GREB1: variants seen among roughly 807,000 people sequenced by gnomAD.
GREB1 encodes the protein protein GREB1.
Under a neutral mutation model 200.7 loss-of-function variants are expected in GREB1, and 106 were observed. The ratio of observed to expected loss-of-function variants is 0.53; its 90% confidence interval spans 0.45 to 0.62. The LOEUF (loss-of-function observed/expected upper bound fraction) is 0.62, where lower values mean the gene tolerates loss of function less well. Among genes scored for constraint, GREB1 ranks in the 20% least tolerant of loss-of-function variants. The pLI is 0.00. For missense variants in GREB1, 2,243 were observed against 2,556.8 expected, an observed-to-expected ratio of 0.88 and a Z score of 2.65; for synonymous variants, 1,132 against 1,092.4, an observed-to-expected ratio of 1.04 and a Z score of -0.72.
In GREB1 at chr2:11,597,205, G is replaced by C. The variant is rs1237131775; in HGVS notation, c.1955-576G>C. 6.6e-6 allele frequency among the ~76,000 whole-genome samples: 1 copy of C among 152,060 alleles called. No homozygotes were observed. Among genetic ancestry groups the C allele is most frequent in the Non-Finnish European group, 1.5e-5 (1 of 68,000 alleles). Reference sequence around the variant, plus strand: ...CAGATTGGAGGTAGCAATGTCAGAGGCACATCCACAAGACAGGACATCTTT... The same window carrying C: ...CAGATTGGAGGTAGCAATGTCAGAGCCACATCCACAAGACAGGACATCTTT... On this transcript the variant is annotated intron_variant, in intron 13 of 32. Coordinates refer to ENST00000381486, the MANE Select transcript of GREB1 (RefSeq NM_014668.4). This position sits in a 1 kb window ranked among gnomAD's most constrained non-coding sequence, Gnocchi z 4.1.
chr2:11,544,358 A>G (rs11692588), intron 1 of GREB1, among the ~76,000 whole-genome samples: 67,200 of 151,770 alleles, frequency 0.44, 18,446 homozygotes, highest in South Asian at 0.64. Flanking sequence ...CTGGGACTAC[A>G]GGCTCCCACC....
At chr2:11,551,466 C>T (rs937454358) in intron 1 of GREB1, among the ~76,000 whole-genome samples, 3 of 152,214 alleles carry the variant, frequency 2.0e-5, no homozygotes, top group Non-Finnish European at 2.9e-5. Context: ...TTACTATCAT[C>T]GGTCTCTAGC....
chr2:11,574,364 A>G (rs559066897), intron 4 of GREB1, among the ~76,000 whole-genome samples: 159 of 152,336 alleles, frequency 1.0e-3, no homozygotes, highest in African/African-American at 3.5e-3. Flanking sequence ...AGAGTCTGGA[A>G]GAAAGTGCCA....
chr2:11,608,791 T>A (rs1296474702), intron 17 of GREB1, among the ~76,000 whole-genome samples: 6 of 152,250 alleles, frequency 3.9e-5, no homozygotes, highest in Non-Finnish European at 8.8e-5. Flanking sequence ...ATTCTTGTTT[T>A]GGCTTTGGGT....
chr2:11,626,002 C>A (rs541258560), intron 24 of GREB1, among the ~76,000 whole-genome samples: 1 of 152,046 alleles, frequency 6.6e-6, no homozygotes, highest in Non-Finnish European at 1.5e-5. Context: ...CATTGCATCT[C>A]GTGAAAATTA....
Position 11,618,162 on chromosome 2 carries a change from ATGGGTGACTCCTGGGACAG to A in GREB1, c.3413-125_3413-107del, listed in dbSNP as rs1305261628. ...ACTCCTGGGACAGGTCACTCCTGGG[ATGGGTGACTCCTGGGACAG>A]GTCACTCCTGGGATGGGTGACTCCT... On this transcript the variant is annotated intron_variant, in intron 21 of 32. Coordinates refer to ENST00000381486, the MANE Select transcript of GREB1 (RefSeq NM_014668.4). 45 of 776,298 alleles carry A rather than the reference ATGGGTGACTCCTGGGACAG, an allele frequency of 5.8e-5. 1 individual carries two copies. The East Asian group carries it at 2.1e-3, about 36-fold the overall frequency. 48.1% of individuals were successfully genotyped at this position (776,298 alleles called of 1,614,324 possible). A position where few individuals can be genotyped will look rare whatever the true frequency, so the allele number is the denominator to read the frequency against.
intron 19 of GREB1, among the ~76,000 whole-genome samples, chr2:11,614,828 G>C (rs1683263342): frequency 7.6e-6 from 1 of 132,306 alleles, no homozygotes; most frequent in East Asian, 2.1e-4. Flanking sequence ...CTCCCAAAGT[G>C]CTGCAAGCCC....
chr2:11,562,426 C>G, intron 2 of GREB1, 37 bp from the exon 3 acceptor site: 1 of 1,608,722 alleles, frequency 6.2e-7, no homozygotes, highest in Non-Finnish European at 8.5e-7. Context: ...GGCCAGACAG[C>G]AGCTGCCTTG....
intron 29 of GREB1, 137 bp from the exon 30 acceptor site, chr2:11,635,133 G>A (rs937998083): frequency 6.4e-6 from 6 of 939,010 alleles, no homozygotes; most frequent in Non-Finnish European, 8.0e-6. Context: ...GAGTAAGGAA[G>A]GTCTTGAGGC....
intron 26 of GREB1, 67 bp from the exon 27 acceptor site, chr2:11,631,842 A>G (rs1407344023): frequency 1.7e-6 from 2 of 1,183,308 alleles, no homozygotes; most frequent in Non-Finnish European, 2.5e-6. Flanking sequence ...CTGCAAAGTC[A>G]CATGTCAAGG....
intron 4 of GREB1, among the ~76,000 whole-genome samples, chr2:11,575,903 C>T (rs1023599272): frequency 3.3e-5 from 5 of 152,230 alleles, no homozygotes; most frequent in Admixed American, 3.3e-4. Flanking sequence ...TAAGTGGGCC[C>T]TCAAGCACGT....
chr2:11,566,740 C>G (rs1572729992), intron 4 of GREB1, 84 bp downstream of exon 4: 1 of 1,265,492 alleles, frequency 7.9e-7, no homozygotes, highest in East Asian at 2.4e-5. Flanking sequence ...GGGGTGGTGG[C>G]AACAGAGGGA....
At chr2:11,583,723 G>A (rs1350950393) in intron 7 of GREB1, among the ~76,000 whole-genome samples, 1 of 152,122 alleles carries the variant, frequency 6.6e-6, no homozygotes, top group African/African-American at 2.4e-5. Flanking sequence ...GCCGGGTGTG[G>A]TGGTGCGCGC....
At chr2:11,599,767 G>T (rs887608904) in intron 15 of GREB1, among the ~76,000 whole-genome samples, 2 of 152,018 alleles carry the variant, frequency 1.3e-5, no homozygotes, top group African/African-American at 4.8e-5. Context: ...TGATCCGCCC[G>T]CCTCGGCCTC....
intron 17 of GREB1, among the ~76,000 whole-genome samples, chr2:11,603,860 T>G (rs541178955): frequency 1.3e-5 from 2 of 152,364 alleles, no homozygotes; most frequent in East Asian, 3.9e-4. Context: ...CCTAAAATAA[T>G]CCTCACAGTG....
chr2:11,523,319 A>AC (rs546789107), intron 1 of GREB1, among the ~76,000 whole-genome samples: 44 of 151,080 alleles, frequency 2.9e-4, no homozygotes, highest in Admixed American at 4.6e-4. Flanking sequence ...TCTGTGCAAA[A>AC]CCCCCCCCAT....
chr2:11,552,672 G>C (rs565606321), intron 1 of GREB1, among the ~76,000 whole-genome samples: 1 of 152,310 alleles, frequency 6.6e-6, no homozygotes, highest in African/African-American at 2.4e-5. Flanking sequence ...ATGGTATCTA[G>C]AAAGTCCCCA....
chr2:11,638,908 T>C (rs1685596459), intron 32 of GREB1, 99 bp downstream of exon 32: 2 of 1,239,710 alleles, frequency 1.6e-6, no homozygotes, highest in East Asian at 2.3e-5. Context: ...TATTTGCCCA[T>C]GGGTAAACTG....
chr2:11,499,556 A>C (rs1373006852), intron 1 of GREB1, among the ~76,000 whole-genome samples: 1 of 152,274 alleles, frequency 6.6e-6, no homozygotes, highest in Non-Finnish European at 1.5e-5. Flanking sequence ...TTAGCTACTT[A>C]CATCAGTCTC....
Sources: allele counts gnomAD v4.1 joint callset (sites outside exome capture counted in the v4.1 genomes callset), GRCh38; gene constraint gnomAD v4.1.1; non-coding constraint Gnocchi (gnomAD v3.1); transcripts MANE v1.5; gene names NCBI Gene and HGNC (gene_info 2026-07-23, HGNC 2026-07-21).